ARIH1: variants seen among roughly 807,000 people sequenced by gnomAD.
ARIH1 encodes the protein E3 ubiquitin-protein ligase ARIH1.
In ARIH1, 8 loss-of-function variants were observed where a neutral mutation model predicts 85.0. The observed-to-expected ratio is 0.09, with a 90% CI of 0.06 to 0.17. The LOEUF is 0.17. Ranked by LOEUF, ARIH1 falls within the 10% of genes least tolerant of loss-of-function variation. The probability of loss-of-function intolerance (pLI) is 1.00; values close to 1 mark genes in which losing one functional copy is unlikely to be tolerated. For missense variants in ARIH1, 311 were observed against 718.1 expected (o/e 0.43, Z 6.48); for synonymous variants, 238 against 253.6 (o/e 0.94, Z 0.59).
At chr15:72,583,180 G>GTTTTTTTTTTTT in intron 13 of ARIH1, 28 bp from the exon 14 acceptor site, 2 of 1,292,390 alleles carry the variant, frequency 1.5e-6, no homozygotes, top group Non-Finnish European at 2.1e-6. Context: ...CTGACAACAA[G>GTTTTTTTTTTTT]TTTTTTTTTT....
chr15:72,494,847 G>A (rs141819098), intron 1 of ARIH1, among the ~76,000 whole-genome samples: 11 of 151,378 alleles, frequency 7.3e-5, no homozygotes, highest in African/African-American at 2.7e-4. Flanking sequence ...AAAACTTAGT[G>A]ATTAAGTCTT....
intron 2 of ARIH1, among the ~76,000 whole-genome samples, chr15:72,525,217 G>A (rs1595861211): frequency 6.6e-6 from 1 of 152,300 alleles, no homozygotes; most frequent in East Asian, 1.9e-4. Context: ...TCCTAAGAAT[G>A]CAAGAATAGA....
At chr15:72,549,091 T>C (rs961965342) in intron 3 of ARIH1, among the ~76,000 whole-genome samples, 2 of 150,332 alleles carry the variant, frequency 1.3e-5, no homozygotes, top group East Asian at 1.9e-4. Flanking sequence ...TCTCTCTCTT[T>C]TTTTTTTTTT....
chr15:72,587,293 G>A lies in ARIH1; in HGVS notation c.*4001G>A, dbSNP rs2064321292. 1 of 473,868 alleles carries A rather than the reference G, an allele frequency of 2.1e-6. No individual in the cohort carries two copies. The highest frequency in any genetic ancestry group is 2.3e-5 in the Admixed American group (1 of 43,714). The allele number at this position is 473,868 out of a possible 1,614,324, so 29.4% of individuals were successfully genotyped here. ...GAATGACCTAGTATTCTGTACCAGG[G>A]AAGGTAGTTCTTAACTATATTGTAC... On this transcript the variant is annotated 3_prime_UTR_variant, in exon 14 of 14. Transcript: ENST00000379887.
chr15:72,492,555 C>T (rs1482995524), intron 1 of ARIH1, among the ~76,000 whole-genome samples: 1 of 152,158 alleles, frequency 6.6e-6, no homozygotes, highest in Non-Finnish European at 1.5e-5. Flanking sequence ...GGGAGTGGGC[C>T]TCAAATTACT....
intron 11 of ARIH1, among the ~76,000 whole-genome samples, chr15:72,573,193 A>G (rs2064256131): frequency 6.6e-6 from 1 of 152,264 alleles, no homozygotes; most frequent in Non-Finnish European, 1.5e-5. Flanking sequence ...TATCATATAT[A>G]GAAATGAGTA....
rs1479313180 is a variant in ARIH1, at chr15:72,589,104, G to C, written c.*5812G>C. On this transcript the variant is annotated 3_prime_UTR_variant, in exon 14 of 14. Coordinates refer to ENST00000379887, the MANE Select transcript of ARIH1 (RefSeq NM_005744.5). ...ACTAATAGGAACTGTAATTTGTTGA[G>C]TGCTTTTTGCCAGATGCCTTACTTT... 3 of 152,110 alleles carry C rather than the reference G, an allele frequency of 2.0e-5. No homozygotes were observed. The highest frequency in any genetic ancestry group is 4.4e-5 in the Non-Finnish European group (3 of 68,008). 9.4% of individuals were successfully genotyped at this position (152,110 alleles called of 1,614,324 possible).
chr15:72,545,287 T>G (rs2064123872), intron 3 of ARIH1, among the ~76,000 whole-genome samples: 1 of 152,178 alleles, frequency 6.6e-6, no homozygotes. Context: ...TCATCCAAAT[T>G]AAAATAGATT....
At chr15:72,536,957 T>G (rs1595864271) in intron 2 of ARIH1, among the ~76,000 whole-genome samples, 2 of 152,258 alleles carry the variant, frequency 1.3e-5, no homozygotes, top group Admixed American at 1.3e-4. Flanking sequence ...GTATTCTACT[T>G]TTTCTGAAAA....
At chr15:72,549,494 G>A (rs944861881) in intron 3 of ARIH1, among the ~76,000 whole-genome samples, 9 of 152,104 alleles carry the variant, frequency 5.9e-5, no homozygotes, top group Non-Finnish European at 7.4e-5. Flanking sequence ...CCACCATCCC[G>A]TCCCCCATTC....
intron 11 of ARIH1, chr15:72,572,506 G>A (rs112793655): frequency 0.066 from 11,272 of 170,852 alleles, 577 homozygotes; most frequent in East Asian, 0.17. Context: ...GAGCCACCAC[G>A]CCCAGCCCAG....
chr15:72,512,877 A>G (rs572889600), intron 1 of ARIH1, among the ~76,000 whole-genome samples: 2 of 152,100 alleles, frequency 1.3e-5, no homozygotes, highest in African/African-American at 4.8e-5. Flanking sequence ...GGAATCATCT[A>G]TTTGATTTCT....
At chr15:72,524,614 T>TGAATATA (rs1034039298) in intron 2 of ARIH1, among the ~76,000 whole-genome samples, 1 of 152,126 alleles carries the variant, frequency 6.6e-6, no homozygotes, top group Non-Finnish European at 1.5e-5. Flanking sequence ...AAAAATATGG[T>TGAATATA]GAATATAGTA....
intron 6 of ARIH1, among the ~76,000 whole-genome samples, chr15:72,562,561 A>G (rs2064201623): frequency 6.6e-6 from 1 of 151,778 alleles, no homozygotes; most frequent in African/African-American, 2.4e-5. Flanking sequence ...TTGAGGAACT[A>G]AAATGCAATC....
chr15:72,557,340 A>G (rs1396982277), intron 5 of ARIH1, among the ~76,000 whole-genome samples: 2 of 152,098 alleles, frequency 1.3e-5, no homozygotes, highest in Non-Finnish European at 2.9e-5. Flanking sequence ...AGAGAAGTAA[A>G]GAAACAAAAG....
intron 10 of ARIH1, among the ~76,000 whole-genome samples, chr15:72,571,278 C>A (rs1192911096): frequency 6.6e-6 from 1 of 152,038 alleles, no homozygotes; most frequent in African/African-American, 2.4e-5. Flanking sequence ...AGTATGTTTC[C>A]CATCCTCTGT....
At chr15:72,484,403 T>G (rs2063828876) in intron 1 of ARIH1, among the ~76,000 whole-genome samples, 2 of 151,976 alleles carry the variant, frequency 1.3e-5, no homozygotes, top group African/African-American at 2.4e-5. Flanking sequence ...TGTAGTGTTT[T>G]ATCTCTCACC....
intron 1 of ARIH1, among the ~76,000 whole-genome samples, chr15:72,484,872 G>A (rs939852188): frequency 6.6e-6 from 1 of 151,784 alleles, no homozygotes; most frequent in East Asian, 1.9e-4. Flanking sequence ...TTGCAGTTGC[G>A]AATTGTACTG....
intron 2 of ARIH1, among the ~76,000 whole-genome samples, chr15:72,529,811 T>C (rs1264178213): frequency 6.6e-6 from 1 of 152,100 alleles, no homozygotes; most frequent in Non-Finnish European, 1.5e-5. Context: ...AATTATGAGA[T>C]TGAATGTCTG....
Sources: allele counts gnomAD v4.1 joint callset (sites outside exome capture counted in the v4.1 genomes callset), GRCh38; gene constraint gnomAD v4.1.1; transcripts MANE v1.5; gene names NCBI Gene and HGNC (gene_info 2026-07-23, HGNC 2026-07-21).